The following EDEM2 variants were observed in gnomAD, a reference collection of about 807,000 sequenced individuals.
EDEM2 encodes ER degradation enhancing alpha-mannosidase like protein 2.
A neutral mutation model predicts 64.8 loss-of-function variants in EDEM2; 39 were observed. The ratio of observed to expected loss-of-function variants is 0.60; its 90% CI spans 0.47 to 0.79. The LOEUF (loss-of-function observed/expected upper bound fraction) is 0.79. Among genes scored for constraint, EDEM2 ranks in the 30% least tolerant of loss-of-function variants. The pLI is 0.00. For synonymous variants in EDEM2, 296 were observed against 291.5 expected, an observed-to-expected ratio of 1.02 and a Z score of -0.16; for missense variants, 609 against 731.3, an observed-to-expected ratio of 0.83 and a Z score of 1.93.
At chr20:35,127,267 T>G (rs1483181815) in intron 7 of EDEM2, among the ~76,000 whole-genome samples, 1 of 152,234 alleles carries the variant, frequency 6.6e-6, no homozygotes, top group Non-Finnish European at 1.5e-5. Context: ...TGAGTACGTC[T>G]TTATCAGCAG....
At chr20:35,146,396 T>C (rs1215569192) in intron 2 of EDEM2, among the ~76,000 whole-genome samples, 1 of 151,790 alleles carries the variant, frequency 6.6e-6, no homozygotes, top group Admixed American at 6.6e-5. Flanking sequence ...GGGAGGAAAA[T>C]GGGGAGTGTA....
Position 35,145,990 on chromosome 20 carries a change from G to A in EDEM2, c.218+835C>T, listed in dbSNP as rs865813912. Among the ~76,000 whole-genome samples, 188 of 102,620 alleles carry A rather than the reference G, an allele frequency of 1.8e-3. 1 individual carries two copies. The highest frequency in any genetic ancestry group is 5.8e-3 in the African/African-American group (143 of 24,454). The allele number at this position is 102,620 out of a possible 152,430, so 67.3% of individuals were successfully genotyped here. On this transcript the variant is annotated intron_variant, in intron 2 of 10. Coordinates refer to ENST00000374492, the MANE Select transcript of EDEM2 (RefSeq NM_018217.3). ...GCACTCCAGCCTGGGTAACAAGAGC[G>A]AAACTCCATCTCAAAAAAAAAAAAA... is the stretch of plus-strand genomic sequence containing the variant.
intron 9 of EDEM2, among the ~76,000 whole-genome samples, chr20:35,121,447 T>C (rs2146089176): frequency 6.6e-6 from 1 of 152,258 alleles, no homozygotes; most frequent in East Asian, 1.9e-4. Flanking sequence ...CAGCTATAAA[T>C]ATAGATGAAG....
chr20:35,120,757 C>A (rs560651500), intron 9 of EDEM2, among the ~76,000 whole-genome samples: 3 of 152,034 alleles, frequency 2.0e-5, no homozygotes, highest in African/African-American at 7.2e-5. Flanking sequence ...GCCACCGTGC[C>A]CGGCTAATTT....
Position 35,115,561 on chromosome 20 carries a change from G to C in EDEM2, c.1609C>G (p.Pro537Ala), listed in dbSNP as rs779467194. Reference sequence around the variant, plus strand: ...TCCCTTGCCTGGTCATGGTTTTCTGGTGAGAAGAGTGTTCCTGGCCTTGCT... The same window carrying C: ...TCCCTTGCCTGGTCATGGTTTTCTGCTGAGAAGAGTGTTCCTGGCCTTGCT... Reference protein sequence around the residue: ...PPARPGTLFSPENHDQARERK... With the variant: ...PPARPGTLFSAENHDQARERK... The change falls in exon 11 of 11, where the codon CCA (proline) becomes GCA (alanine). Residue 537 changes from proline (P) to alanine (A), a missense_variant. Physicochemically the swap from Pro to Ala is conservative, Grantham distance 27. Transcript: ENST00000374492. 5.0e-6 allele frequency: 8 copies of C among 1,614,132 alleles called. No individual in the cohort carries two copies. The highest frequency in any genetic ancestry group is 3.3e-4 in the Middle Eastern group (2 of 6,062).
At chr20:35,139,651 G>GAAAAAAAA (rs924462871) in intron 4 of EDEM2, among the ~76,000 whole-genome samples, 1 of 75,086 alleles carries the variant, frequency 1.3e-5, no homozygotes, top group Admixed American at 1.5e-4. Flanking sequence ...CTCCATCTCA[G>GAAAAAAAA]AAAAAAAAAA....
At chr20:35,116,054 T>C (rs1161768509) in intron 10 of EDEM2, 121 bp from the exon 11 acceptor site, 5 of 1,107,258 alleles carry the variant, frequency 4.5e-6, no homozygotes, top group African/African-American at 3.1e-5. Flanking sequence ...AGCAAATCAC[T>C]GAACTTTTCA....
intron 8 of EDEM2, among the ~76,000 whole-genome samples, chr20:35,125,407 C>T (rs529366279): frequency 2.0e-5 from 3 of 151,590 alleles, no homozygotes; most frequent in Non-Finnish European, 4.4e-5. Flanking sequence ...TTTTTTGAGA[C>T]GGAGTCTTGC....
chr20:35,117,723 A>G (rs2085325023), intron 10 of EDEM2, among the ~76,000 whole-genome samples: 1 of 151,954 alleles, frequency 6.6e-6, no homozygotes, highest in South Asian at 2.1e-4. Context: ...TTTTCAGGGG[A>G]TTTTCTTCCA....
chr20:35,116,858 C>T (rs1433348529), intron 10 of EDEM2, among the ~76,000 whole-genome samples: 1 of 151,840 alleles, frequency 6.6e-6, no homozygotes, highest in Non-Finnish European at 1.5e-5. Flanking sequence ...GGCATGGTCT[C>T]GGCTCACTGC....
intron 5 of EDEM2, among the ~76,000 whole-genome samples, chr20:35,137,592 C>G (rs1185554435): frequency 6.6e-6 from 1 of 152,126 alleles, no homozygotes; most frequent in Non-Finnish European, 1.5e-5. Context: ...GACAAATGGG[C>G]TCATTCAAAA....
intron 5 of EDEM2, among the ~76,000 whole-genome samples, chr20:35,137,430 C>T (rs1333566338): frequency 1.4e-4 from 21 of 152,090 alleles, no homozygotes; most frequent in Admixed American, 1.3e-3. Flanking sequence ...AACAAACAAA[C>T]AACAAACTAT....
In EDEM2 at chr20:35,115,631, C is replaced by T. The variant is rs749963824; in HGVS notation, c.1539G>A (p.Ser513=). The change falls in exon 11 of 11, where the codon TCG becomes TCA. Residue 513 remains serine (S), a synonymous_variant. Coordinates refer to ENST00000374492, the MANE Select transcript of EDEM2 (RefSeq NM_018217.3). The part of the protein sequence containing the change: ...REFYSLKRSR[S]KFQKNTVSSG... Reference sequence around the variant, plus strand: ...AACTAACAGTGTTTTTCTGAAATTTCGACCTGCTCCGTTTGAGAGAGTAGA... The same window carrying T: ...AACTAACAGTGTTTTTCTGAAATTTTGACCTGCTCCGTTTGAGAGAGTAGA... The T allele has an allele frequency of 1.6e-5, 26 of 1,614,006 alleles. No individual in the cohort carries two copies. Among genetic ancestry groups the T allele is most frequent in the African/African-American group, 4.0e-5 (3 of 74,898 alleles).
chr20:35,144,156 G>C lies in EDEM2; in HGVS notation c.258+823C>G, dbSNP rs766237156. Among the ~76,000 whole-genome samples, 27 of 148,036 alleles carry C rather than the reference G, an allele frequency of 1.8e-4. 1 individual carries two copies. The highest frequency in any genetic ancestry group is 7.5e-5 in the Non-Finnish European group (5 of 66,986). On this transcript the variant is annotated intron_variant, in intron 3 of 10. Coordinates refer to ENST00000374492, the MANE Select transcript of EDEM2 (RefSeq NM_018217.3). ...ACTCCTGTGCTCAAGCAGTCCTGCCGCCTTGGCCTCCCAAAGTGCTGGGAT... is the reference window on the plus strand; with the variant it reads ...ACTCCTGTGCTCAAGCAGTCCTGCCCCCTTGGCCTCCCAAAGTGCTGGGAT...
chr20:35,145,129 G>T, intron 2 of EDEM2, 111 bp from the exon 3 acceptor site: 3 of 1,058,022 alleles, frequency 2.8e-6, no homozygotes, highest in Non-Finnish European at 4.2e-6. Context: ...TAATGCCTCT[G>T]CCTGTCCCAC....
At chr20:35,145,798 T>C (rs569509034) in intron 2 of EDEM2, among the ~76,000 whole-genome samples, 1 of 151,990 alleles carries the variant, frequency 6.6e-6, no homozygotes, top group East Asian at 1.9e-4. Flanking sequence ...TCACCTGAGG[T>C]CAGGAGTTCA....
chr20:35,133,500 CT>C (rs1231955584), intron 6 of EDEM2, among the ~76,000 whole-genome samples: 2 of 150,398 alleles, frequency 1.3e-5, no homozygotes, highest in Non-Finnish European at 3.0e-5. Flanking sequence ...GAGTTTCGCT[CT>C]TGTTGCCCAG....
Position 35,142,404 on chromosome 20 carries a change from C to G in EDEM2, c.333G>C (p.Val111=), listed in dbSNP as rs759321315. 3 of 1,613,904 alleles carry G rather than the reference C, an allele frequency of 1.9e-6. No homozygotes were observed. The highest frequency in any genetic ancestry group is 1.7e-5 in the Admixed American group (1 of 59,990). The change falls in exon 4 of 11, where the codon GTG becomes GTC. Residue 111 remains valine (V), a synonymous_variant. Transcript: ENST00000374492. ...TGTTTGTTTCAAACACAGAGGCGTT[C>G]ACATCAATATCAAAGTCCACGCTGT... ...LQDSVDFDID[V]NASVFETNIR... is the part of the protein sequence containing the mutation.
Position 35,118,592 on chromosome 20 carries a change from A to G in EDEM2, c.1236+6T>C, listed in dbSNP as rs1189735760. On this transcript the variant is annotated splice_donor_region_variant and intron_variant, in intron 10 of 10. Coordinates refer to ENST00000374492, the MANE Select transcript of EDEM2 (RefSeq NM_018217.3). ...TCCCAGTTCTTGGGGCCATGCAAAC[A>G]CTTACTGTTGCAAATCCGCACTCCA... The G allele has an allele frequency of 6.2e-7, 1 of 1,614,006 alleles. No homozygotes were observed. Among genetic ancestry groups the G allele is most frequent in the Non-Finnish European group, 8.5e-7 (1 of 1,179,912 alleles).
Sources: allele counts gnomAD v4.1 joint callset (sites outside exome capture counted in the v4.1 genomes callset), GRCh38; gene constraint gnomAD v4.1.1; transcripts MANE v1.5; gene names NCBI Gene and HGNC (gene_info 2026-07-23, HGNC 2026-07-21).